The following KCTD8 variants were observed in gnomAD, a reference collection of about 807,000 sequenced individuals.
The protein encoded by KCTD8 is BTB/POZ domain-containing protein KCTD8.
KCTD8 carries 27 observed loss-of-function variants against 31.5 expected under a neutral mutation model. The observed-to-expected ratio is 0.86, with a 90% CI of 0.63 to 1.18. KCTD8 has a LOEUF of 1.18. Ranked by LOEUF, KCTD8 falls within the 50% of genes most tolerant of loss-of-function variation. The pLI, the probability that KCTD8 is intolerant of heterozygous loss-of-function variation, is 0.00. For synonymous variants in KCTD8, 290 were observed against 280.0 expected (o/e 1.04, Z -0.36); for missense variants, 658 against 647.7 (o/e 1.02, Z -0.17).
At chr4:44,374,827 T>C (rs180978094) in intron 1 of KCTD8, among the ~76,000 whole-genome samples, 133 of 152,260 alleles carry the variant, frequency 8.7e-4, no homozygotes, top group African/African-American at 3.1e-3. Flanking sequence ...ACATCAAAGA[T>C]AACTGATCAC....
At chr4:44,433,288 CT>C (rs1283146608) in intron 1 of KCTD8, among the ~76,000 whole-genome samples, 1 of 151,666 alleles carries the variant, frequency 6.6e-6, no homozygotes, top group Admixed American at 6.6e-5. Context: ...AAAGTCTGAC[CT>C]AAGACATAGG....
intron 1 of KCTD8, among the ~76,000 whole-genome samples, chr4:44,224,241 C>G (rs1714885020): frequency 6.6e-6 from 1 of 152,152 alleles, no homozygotes; most frequent in Non-Finnish European, 1.5e-5. Context: ...TACTCAAAAG[C>G]CTCCATTATA....
intron 1 of KCTD8, among the ~76,000 whole-genome samples, chr4:44,394,465 T>C (rs1720446213): frequency 6.6e-6 from 1 of 152,092 alleles, no homozygotes; most frequent in African/African-American, 2.4e-5. Flanking sequence ...AAGTGCATAT[T>C]TCAAAAGAAA....
chr4:44,198,180 C>G (rs971963428), intron 1 of KCTD8, among the ~76,000 whole-genome samples: 2 of 152,158 alleles, frequency 1.3e-5, no homozygotes, highest in Non-Finnish European at 2.9e-5. Flanking sequence ...CTATAACTCA[C>G]TGGCATCCCT....
intron 1 of KCTD8, among the ~76,000 whole-genome samples, chr4:44,378,585 C>T (rs141839126): frequency 1.3e-5 from 2 of 152,178 alleles, no homozygotes; most frequent in Admixed American, 1.3e-4. Context: ...GTACATGTTA[C>T]TGCTCTAGAG....
Position 44,447,563 on chromosome 4 carries a change from G to C in KCTD8, c.961C>G (p.Arg321Gly). Residue 321 changes from arginine (R) to glycine (G), a missense_variant and splice_region_variant, in exon 1 of 2, where the codon CGA (arginine) becomes GGA (glycine). Coordinates refer to ENST00000360029, the MANE Select transcript of KCTD8 (RefSeq NM_198353.3). ...GGAAACGCCGGGGCTGCGAACTTACGGAAGAAAATGTACTCGGTGTAGCTG... is the reference window on the plus strand; with the variant it reads ...GGAAACGCCGGGGCTGCGAACTTACCGAAGAAAATGTACTCGGTGTAGCTG... The part of the protein sequence containing the change: ...WSSYTEYIFF[R>G]PPQKIVSPKQ... The C allele has an allele frequency of 1.3e-6, 2 of 1,551,920 alleles. No homozygotes were observed. The highest frequency in any genetic ancestry group is 1.7e-6 in the Non-Finnish European group (2 of 1,143,846).
chr4:44,316,282 AT>A (rs138592646), intron 1 of KCTD8, among the ~76,000 whole-genome samples: 1 of 151,728 alleles, frequency 6.6e-6, no homozygotes, highest in Admixed American at 6.6e-5. Flanking sequence ...ATTTATAAAC[AT>A]TTTTTCCAAT....
chr4:44,312,517 A>G (rs2109400316), intron 1 of KCTD8, among the ~76,000 whole-genome samples: 1 of 152,300 alleles, frequency 6.6e-6, no homozygotes, highest in South Asian at 2.1e-4. Context: ...TCTGAAAAAA[A>G]GCAATAGAGA....
chr4:44,206,159 C>T (rs1650765799), intron 1 of KCTD8, among the ~76,000 whole-genome samples: 2 of 151,922 alleles, frequency 1.3e-5, no homozygotes, highest in Non-Finnish European at 2.9e-5. Context: ...AGAGACATAA[C>T]AAGAGCCCTG....
At chr4:44,400,817 T>C (rs1422236985) in intron 1 of KCTD8, among the ~76,000 whole-genome samples, 1 of 151,824 alleles carries the variant, frequency 6.6e-6, no homozygotes, top group Non-Finnish European at 1.5e-5. Context: ...GGTATTTTAG[T>C]TCAATGAATG....
intron 1 of KCTD8, among the ~76,000 whole-genome samples, chr4:44,345,449 A>AT (rs1451169126): frequency 1.3e-5 from 2 of 152,136 alleles, no homozygotes; most frequent in Admixed American, 1.3e-4. Context: ...AAATAGCAAT[A>AT]AATTCTAGAG....
chr4:44,296,283 A>G (rs1403822448), intron 1 of KCTD8, among the ~76,000 whole-genome samples: 1 of 151,328 alleles, frequency 6.6e-6, no homozygotes, highest in Non-Finnish European at 1.5e-5. Flanking sequence ...CATTCTAACC[A>G]CACTGAATTC....
At chr4:44,238,534 A>G (rs915833479) in intron 1 of KCTD8, among the ~76,000 whole-genome samples, 1 of 152,212 alleles carries the variant, frequency 6.6e-6, no homozygotes, top group Admixed American at 6.5e-5. Context: ...GTTAAAATTA[A>G]TGAAAAAATA....
At chr4:44,294,356 A>G (rs1221546283) in intron 1 of KCTD8, among the ~76,000 whole-genome samples, 3 of 152,190 alleles carry the variant, frequency 2.0e-5, no homozygotes, top group African/African-American at 7.2e-5. Flanking sequence ...TAAGATAGGT[A>G]CATAAAAACA....
intron 1 of KCTD8, among the ~76,000 whole-genome samples, chr4:44,238,244 G>A (rs1384136803): frequency 6.6e-6 from 1 of 151,942 alleles, no homozygotes; most frequent in Admixed American, 6.6e-5. Flanking sequence ...TTCAGCTTGA[G>A]CTTTACTCCC....
chr4:44,204,762 A>G (rs1451238009), intron 1 of KCTD8, among the ~76,000 whole-genome samples: 2 of 152,144 alleles, frequency 1.3e-5, no homozygotes, highest in African/African-American at 2.4e-5. Context: ...ATATTATACT[A>G]AAAGATATGT....
intron 1 of KCTD8, among the ~76,000 whole-genome samples, chr4:44,207,856 T>G (rs1714362265): frequency 6.6e-6 from 1 of 152,192 alleles, no homozygotes; most frequent in Non-Finnish European, 1.5e-5. Flanking sequence ...ATGAAATTGC[T>G]TTGCCTGAGC....
chr4:44,213,706 A>G (rs561407331), intron 1 of KCTD8, among the ~76,000 whole-genome samples: 1 of 152,276 alleles, frequency 6.6e-6, no homozygotes, highest in South Asian at 2.1e-4. Flanking sequence ...TCGAATATCT[A>G]AGCAAATTTT....
At chr4:44,304,267 A>G (rs564931463) in intron 1 of KCTD8, among the ~76,000 whole-genome samples, 1 of 152,298 alleles carries the variant, frequency 6.6e-6, no homozygotes, top group South Asian at 2.1e-4. Context: ...AGGTGACAGA[A>G]GAATTGACAT....
Sources: gnomAD v4.1 joint callset for allele counts (sites outside exome capture counted in the v4.1 genomes callset) on GRCh38, gnomAD v4.1.1 for gene constraint, MANE v1.5 for transcripts, NCBI Gene and HGNC (gene_info 2026-07-23, HGNC 2026-07-21) for gene names.